The following H6PD variants were observed in gnomAD, a reference collection of about 807,000 sequenced individuals.
H6PD encodes the protein GDH/6PGL endoplasmic bifunctional protein.
H6PD carries 48 observed loss-of-function variants against 61.2 expected under a neutral mutation model. That is an observed-to-expected ratio of 0.78 (90% confidence interval 0.62 to 1.00). The LOEUF (loss-of-function observed/expected upper bound fraction) is 1.00. H6PD is among the 50% of genes least tolerant of loss of function. The pLI is 0.00. For missense variants in H6PD, 1,093 were observed against 1,065.0 expected, an observed-to-expected ratio of 1.03 and a Z score of -0.37; for synonymous variants, 480 against 457.9, an observed-to-expected ratio of 1.05 and a Z score of -0.62.
In H6PD at chr1:9,264,419, G is replaced by A; in HGVS notation, c.1926G>A (p.Gln642=). ...NFQGLQAHLL[Q]HVRIPYYNIH... ...AGGGCCTGCAGGCCCACCTGCTGCAGCACGTCCGGATCCCCTACTACAACA... is the reference window on the plus strand; with the variant it reads ...AGGGCCTGCAGGCCCACCTGCTGCAACACGTCCGGATCCCCTACTACAACA... The change falls in exon 5 of 5, where the codon CAG becomes CAA. Residue 642 remains glutamine, a synonymous_variant. Coordinates refer to ENST00000377403, the MANE Select transcript of H6PD (RefSeq NM_004285.4). The A allele has an allele frequency of 6.2e-7, 1 of 1,613,122 alleles. No homozygotes were observed. The highest frequency in any genetic ancestry group is 8.5e-7 in the Non-Finnish European group (1 of 1,179,952).
chr1:9,255,133 T>C (rs1641476329), intron 3 of H6PD, among the ~76,000 whole-genome samples: 2 of 152,236 alleles, frequency 1.3e-5, no homozygotes, highest in Non-Finnish European at 2.9e-5. Flanking sequence ...GGCTGTTATA[T>C]ATAATGCTGC....
chr1:9,246,905 C>A, intron 2 of H6PD, 61 bp from the exon 3 acceptor site: 1 of 1,176,930 alleles, frequency 8.5e-7, no homozygotes, highest in Non-Finnish European at 1.3e-6. Context: ...TCCCGGGAGT[C>A]AGGGTTCCTC....
chr1:9,266,925 A>G lies in H6PD; in HGVS notation c.*2056A>G, dbSNP rs773829925. 2 of 151,990 alleles carry G rather than the reference A, an allele frequency of 1.3e-5. No homozygotes were observed. Among genetic ancestry groups the G allele is most frequent in the Non-Finnish European group, 2.9e-5 (2 of 68,046 alleles). 9.4% of individuals were successfully genotyped at this position (151,990 alleles called of 1,614,324 possible). A position where few individuals can be genotyped will look rare whatever the true frequency, so the allele number is the denominator to read the frequency against. ...AACCTCCACCTCCCGGGTTCAGGCA[A>G]TTCTCGTGCCTAAGCCTCCCGAGTA... On this transcript the variant is annotated 3_prime_UTR_variant, in exon 5 of 5. Coordinates refer to ENST00000377403, the MANE Select transcript of H6PD (RefSeq NM_004285.4).
chr1:9,239,915 C>G (rs1640948608), intron 1 of H6PD: 1 of 991,036 alleles, frequency 1.0e-6, no homozygotes, highest in Non-Finnish European at 1.3e-6. Context: ...ATGGGGACAG[C>G]TGCACGCCTC....
chr1:9,247,727 G>C (rs1297014316), intron 3 of H6PD, among the ~76,000 whole-genome samples: 1 of 152,128 alleles, frequency 6.6e-6, no homozygotes, highest in Non-Finnish European at 1.5e-5. Flanking sequence ...CCCGGGAGGC[G>C]GGGGCCCTGC....
intron 2 of H6PD, among the ~76,000 whole-genome samples, chr1:9,246,104 G>T (rs139804790): frequency 6.6e-6 from 1 of 151,918 alleles, no homozygotes; most frequent in East Asian, 1.9e-4. Flanking sequence ...CACCATGCCC[G>T]GCTAATTTTT....
intron 1 of H6PD, 50 bp downstream of exon 1, chr1:9,235,116 A>G (rs1470461081): frequency 6.7e-6 from 1 of 149,044 alleles, no homozygotes; most frequent in African/African-American, 2.4e-5. Flanking sequence ...GGCGCCTCCA[A>G]CCCGCGCTGC....
intron 3 of H6PD, among the ~76,000 whole-genome samples, chr1:9,250,446 C>T (rs1044452758): frequency 6.8e-6 from 1 of 146,812 alleles, no homozygotes; most frequent in South Asian, 2.2e-4. Flanking sequence ...CATTCTCCCC[C>T]ACTCCCCACC....
At chr1:9,249,000 A>T (rs1641273821) in intron 3 of H6PD, among the ~76,000 whole-genome samples, 1 of 152,248 alleles carries the variant, frequency 6.6e-6, no homozygotes, top group Non-Finnish European at 1.5e-5. Context: ...CACCTGGTGC[A>T]GAGAGCCTAG....
chr1:9,239,831 C>T, intron 1 of H6PD: 1 of 406,596 alleles, frequency 2.5e-6, no homozygotes, highest in Non-Finnish European at 4.3e-6. Context: ...AGAACTGCTT[C>T]CTCCTGTGGT....
At chr1:9,237,042 A>G (rs1455967122) in intron 1 of H6PD, among the ~76,000 whole-genome samples, 1 of 152,162 alleles carries the variant, frequency 6.6e-6, no homozygotes, top group African/African-American at 2.4e-5. Flanking sequence ...CATGGAGCAG[A>G]GAAACAGCCT....
intron 3 of H6PD, among the ~76,000 whole-genome samples, chr1:9,248,134 C>T (rs965248354): frequency 3.9e-5 from 6 of 152,240 alleles, no homozygotes; most frequent in Non-Finnish European, 7.3e-5. Context: ...CTCATCCCCG[C>T]GGCCGCTTTC....
rs758314088 is a variant in H6PD, at chr1:9,264,275, C to T, written c.1782C>T (p.Ser594=). ...ACCTGGCACTGTCGGGGGGCTCGAG[C>T]CCCGTGGCCCTGTTCCAGCAGCTGG... ...QFHLALSGGS[S]PVALFQQLAT... The change falls in exon 5 of 5, where the codon AGC becomes AGT. Residue 594 remains serine, a synonymous_variant. Coordinates refer to ENST00000377403, the MANE Select transcript of H6PD (RefSeq NM_004285.4). 15 of 1,609,978 alleles carry T rather than the reference C, an allele frequency of 9.3e-6. No individual in the cohort carries two copies. The South Asian group carries it at 1.5e-4, about 17-fold the overall frequency.
intron 3 of H6PD, among the ~76,000 whole-genome samples, chr1:9,249,623 A>C (rs1287867751): frequency 6.6e-6 from 1 of 152,204 alleles, no homozygotes; most frequent in Admixed American, 6.5e-5. Flanking sequence ...CCTTCAGCCC[A>C]GGGGCAAAGG....
chr1:9,247,467 G>A (rs914087790), intron 3 of H6PD, among the ~76,000 whole-genome samples: 2 of 151,866 alleles, frequency 1.3e-5, no homozygotes, highest in South Asian at 2.1e-4. Flanking sequence ...ACTCCCCCTC[G>A]CGTCCCCCTC....
chr1:9,240,030 C>T (rs114813087), intron 1 of H6PD: 2 of 1,229,080 alleles, frequency 1.6e-6, no homozygotes, highest in Non-Finnish European at 1.0e-6. Flanking sequence ...TAAGTCTCTC[C>T]CAGGATGACT....
chr1:9,235,002 C>T lies in H6PD; in HGVS notation c.-75C>T, dbSNP rs1263340420. ...GCGCAGGGGAGCCCTCGGGAGCGGG[C>T]CCGGCCCTCAGCGCCGCCCCGGCCG... On this transcript the variant is annotated 5_prime_UTR_variant, in exon 1 of 5. Transcript: ENST00000377403. 1 of 148,018 alleles carries T rather than the reference C, an allele frequency of 6.8e-6. No homozygotes were observed. The highest frequency in any genetic ancestry group is 1.5e-5 in the Non-Finnish European group (1 of 66,216). The allele number at this position is 148,018 out of a possible 1,614,324, so 9.2% of individuals were successfully genotyped here.
chr1:9,256,439 A>G (rs1453789779), intron 3 of H6PD, among the ~76,000 whole-genome samples: 1 of 152,054 alleles, frequency 6.6e-6, no homozygotes, highest in Non-Finnish European at 1.5e-5. Flanking sequence ...TTGCCCCCCA[A>G]CACTGGTGCT....
At chr1:9,249,916 T>G (rs1161704833) in intron 3 of H6PD, among the ~76,000 whole-genome samples, 1 of 152,184 alleles carries the variant, frequency 6.6e-6, no homozygotes, top group Non-Finnish European at 1.5e-5. Context: ...CAGAATGAGC[T>G]TGCTTGCTGC....
Sources: gnomAD v4.1 joint callset for allele counts (sites outside exome capture counted in the v4.1 genomes callset) on GRCh38, gnomAD v4.1.1 for gene constraint, MANE v1.5 for transcripts, NCBI Gene and HGNC (gene_info 2026-07-23, HGNC 2026-07-21) for gene names.